Variants in TRIM68 observed in about 807,000 individuals in gnomAD.
TRIM68 encodes E3 ubiquitin-protein ligase TRIM68.
In TRIM68, 36 loss-of-function variants were observed where a neutral mutation model predicts 41.9. That is an observed-to-expected ratio of 0.86 (90% CI 0.66 to 1.14). TRIM68 has a LOEUF of 1.14. TRIM68 is among the 50% of genes most tolerant of loss of function. TRIM68 has a pLI of 0.00. For missense variants in TRIM68, 632 were observed against 605.1 expected (o/e 1.04, Z -0.47); for synonymous variants, 225 against 224.6 (o/e 1.00, Z -0.02).
At chr11:4,604,474 A>C (rs1199934356) in intron 2 of TRIM68, among the ~76,000 whole-genome samples, 1 of 152,236 alleles carries the variant, frequency 6.6e-6, no homozygotes, top group Non-Finnish European at 1.5e-5. Flanking sequence ...AAGTGCAAGA[A>C]GACTTGAGTC....
Position 4,600,381 on chromosome 11 carries a change from G to C in TRIM68, c.1353C>G (p.Arg451=), listed in dbSNP as rs144009048. 6.2e-7 allele frequency: 1 copy of C among 1,614,126 alleles called. No individual in the cohort carries two copies. The highest frequency in any genetic ancestry group is 1.7e-5 in the Admixed American group (1 of 60,018). ...DCGSHIFTFP[R]YPFPGRLLPY... is the part of the protein sequence containing the mutation. ...GCAGGAGGCGCCCAGGGAAGGGATA[G>C]CGGGGGAAAGTGAAGATGTGGGAGC... is the stretch of plus-strand genomic sequence containing the variant. Residue 451 remains arginine (R), a synonymous_variant, in exon 7 of 7, where the codon CGC becomes CGG. Transcript: ENST00000300747.
Position 4,606,281 on chromosome 11 carries a change from G to A in TRIM68, c.-57-720C>T, listed in dbSNP as rs201947582. On this transcript the variant is annotated intron_variant, in intron 1 of 6. Transcript: ENST00000300747. ...ATTTGATGATCATCACACCCATATT[G>A]ATGAAATCACTACACCAGCAAGAAA... Among the ~76,000 whole-genome samples, 434 of 152,336 alleles carry A rather than the reference G, an allele frequency of 2.8e-3. 1 individual carries two copies. Among genetic ancestry groups the A allele is most frequent in the Admixed American group, 7.8e-3 (119 of 15,304 alleles).
chr11:4,602,112 C>T (rs746261813), intron 4 of TRIM68, 40 bp downstream of exon 4: 5 of 1,613,256 alleles, frequency 3.1e-6, no homozygotes, highest in Non-Finnish European at 3.4e-6. Flanking sequence ...AGTCTATCTT[C>T]AGCTGTCACT....
chr11:4,606,771 T>TTA (rs766909121), intron 1 of TRIM68, among the ~76,000 whole-genome samples: 8 of 152,234 alleles, frequency 5.3e-5, no homozygotes, highest in Non-Finnish European at 1.0e-4. Flanking sequence ...TTGGGCAAAT[T>TTA]TCTTAACCTC....
intron 2 of TRIM68, 94 bp downstream of exon 2, chr11:4,604,983 GCT>G: frequency 7.4e-7 from 1 of 1,358,954 alleles, no homozygotes; most frequent in South Asian, 1.4e-5. Context: ...AAAGGAGTTA[GCT>G]CTCAGTCTGT....
At position 4,600,643 on chromosome 11, in the gene TRIM68, A is replaced by G; in HGVS notation, c.1091T>C (p.Val364Ala). Residue 364 changes from valine (V) to alanine (A), a missense_variant, in exon 7 of 7, where the codon GTG (valine) becomes GCG (alanine). Transcript: ENST00000300747. ...CAGGCCCCACTCAGACCTGTCTCCCACCTCCACCTCCCAGTAGTGCCGGCC... is the reference window on the plus strand; with the variant it reads ...CAGGCCCCACTCAGACCTGTCTCCCGCCTCCACCTCCCAGTAGTGCCGGCC... ...SSGRHYWEVE[V>A]GDRSEWGLGV... is the part of the protein sequence containing the mutation. 6.2e-7 allele frequency: 1 copy of G among 1,613,744 alleles called. No individual in the cohort carries two copies. The highest frequency in any genetic ancestry group is 8.5e-7 in the Non-Finnish European group (1 of 1,179,966).
At position 4,600,375 on chromosome 11, in the gene TRIM68, G is replaced by A; in HGVS notation, c.1359C>T (p.Pro453=). ...GSHIFTFPRY[P]FPGRLLPYFS... ...AATAGGGCAGGAGGCGCCCAGGGAAGGGATAGCGGGGGAAAGTGAAGATGT... is the reference window on the plus strand; with the variant it reads ...AATAGGGCAGGAGGCGCCCAGGGAAAGGATAGCGGGGGAAAGTGAAGATGT... Residue 453 remains proline (P), a synonymous_variant, in exon 7 of 7, where the codon CCC becomes CCT. Transcript: ENST00000300747. 1.9e-6 allele frequency: 3 copies of A among 1,614,090 alleles called. No individual in the cohort carries two copies. Among genetic ancestry groups the A allele is most frequent in the Non-Finnish European group, 2.5e-6 (3 of 1,180,004 alleles).
intron 4 of TRIM68, 197 bp from the exon 5 acceptor site, chr11:4,601,883 C>T (rs929984557): frequency 4.4e-5 from 34 of 778,248 alleles, no homozygotes; most frequent in Non-Finnish European, 6.0e-5. Context: ...CAATTTCAGG[C>T]TCCATCTCAA....
chr11:4,604,234 T>TA (rs1170179403), intron 2 of TRIM68, among the ~76,000 whole-genome samples: 1 of 152,262 alleles, frequency 6.6e-6, no homozygotes, highest in Non-Finnish European at 1.5e-5. Context: ...GGATTTGTCT[T>TA]ACACTCTCAC....
Position 4,600,707 on chromosome 11 carries a change from G to A in TRIM68, c.1027C>T (p.Arg343Cys), listed in dbSNP as rs199878371. The A allele has an allele frequency of 9.3e-6, 15 of 1,613,972 alleles. No individual in the cohort carries two copies. Among genetic ancestry groups the A allele is most frequent in the South Asian group, 4.4e-5 (4 of 91,080 alleles). ...KLPDNPERFY[R>C]YNIVLGSQCI... is the part of the protein sequence containing the mutation. ...TGGCTTCCCAGGACGATATTATAGC[G>A]GTAAAATCTCTCAGGATTGTCTGGC... The change falls in exon 7 of 7, where the codon CGC (arginine) becomes TGC (cysteine). Residue 343 changes from arginine to cysteine, a missense_variant. Coordinates refer to ENST00000300747, the MANE Select transcript of TRIM68 (RefSeq NM_018073.8).
chr11:4,601,845 G>C, intron 4 of TRIM68, 159 bp from the exon 5 acceptor site: 1 of 906,228 alleles, frequency 1.1e-6, no homozygotes, highest in African/African-American at 1.6e-5. Flanking sequence ...AAGGATGGAA[G>C]AGCAGGCTGA....
At chr11:4,602,027 A>AC in intron 4 of TRIM68, 125 bp downstream of exon 4, 1 of 1,403,796 alleles carries the variant, frequency 7.1e-7, no homozygotes, top group Admixed American at 1.8e-5. Flanking sequence ...CTGGGGAAAC[A>AC]CAGGATCCAT....
intron 5 of TRIM68, 189 bp downstream of exon 5, chr11:4,601,475 A>C: frequency 3.2e-6 from 2 of 624,522 alleles, no homozygotes; most frequent in Admixed American, 2.9e-5. Flanking sequence ...CATTTGATCA[A>C]GTACAAAGAA....
At position 4,600,370 on chromosome 11, in the gene TRIM68, G is replaced by A. The variant is rs139088568; in HGVS notation, c.1364C>T (p.Pro455Leu). 3 of 1,614,080 alleles carry A rather than the reference G, an allele frequency of 1.9e-6. No individual in the cohort carries two copies. The highest frequency in any genetic ancestry group is 2.5e-6 in the Non-Finnish European group (3 of 1,180,002). The change falls in exon 7 of 7, where the codon CCT (proline) becomes CTT (leucine). Residue 455 changes from proline to leucine, a missense_variant. Pro to Leu is a moderately conservative substitution (Grantham distance 98). Transcript: ENST00000300747. ...ACTAAAATAGGGCAGGAGGCGCCCAGGGAAGGGATAGCGGGGGAAAGTGAA... is the reference window on the plus strand; with the variant it reads ...ACTAAAATAGGGCAGGAGGCGCCCAAGGAAGGGATAGCGGGGGAAAGTGAA... Reference protein sequence around the residue: ...HIFTFPRYPFPGRLLPYFSPC... With the variant: ...HIFTFPRYPFLGRLLPYFSPC...
In TRIM68 at chr11:4,605,075, T is replaced by C; in HGVS notation, c.426+4A>G. The C allele has an allele frequency of 6.2e-7, 1 of 1,612,566 alleles. No individual in the cohort carries two copies. ...GACTGGAGTGGCCAGCTTCCATCTC[T>C]CACCTTGTACTCCCAGGCAACATCC... is the stretch of plus-strand genomic sequence containing the variant. On this transcript the variant is annotated splice_donor_region_variant and intron_variant, in intron 2 of 6. Coordinates refer to ENST00000300747, the MANE Select transcript of TRIM68 (RefSeq NM_018073.8).
At position 4,600,564 on chromosome 11, in the gene TRIM68, GT is replaced by G; in HGVS notation, c.1169del (p.His390ProfsTer6). 1 of 1,614,116 alleles carries G rather than the reference GT, an allele frequency of 6.2e-7. No individual in the cohort carries two copies. Among genetic ancestry groups the G allele is most frequent in the Non-Finnish European group, 8.5e-7 (1 of 1,180,024 alleles). On this transcript the variant is annotated frameshift_variant, in exon 7 of 7. Coordinates refer to ENST00000300747, the MANE Select transcript of TRIM68 (RefSeq NM_018073.8). LOFTEE classifies it high-confidence loss of function. ...DRKEVVYLSP[H>X]YGFWVIRLRK... is the part of the protein sequence containing the mutation. The stretch of plus-strand genomic sequence containing the variant: ...TCAGCCTTATCACCCAGAATCCATA[GT>G]GGGGGGATAAGTAGACCACCTCCTT...
chr11:4,607,400 A>G (rs1487292850), intron 1 of TRIM68, among the ~76,000 whole-genome samples: 2 of 152,238 alleles, frequency 1.3e-5, no homozygotes, highest in African/African-American at 4.8e-5. Context: ...ATGTGTTAAT[A>G]TCCTTAGCTA....
intron 1 of TRIM68, among the ~76,000 whole-genome samples, chr11:4,607,429 G>C (rs1287999047): frequency 6.6e-6 from 1 of 152,186 alleles, no homozygotes. Context: ...GAGACATTAA[G>C]AGACACCATC....
chr11:4,605,354 G>T lies in TRIM68; in HGVS notation c.151C>A (p.Gln51Lys), dbSNP rs1200009305. The T allele has an allele frequency of 4.3e-6, 7 of 1,614,102 alleles. No individual in the cohort carries two copies. In the Admixed American group the frequency reaches 6.7e-5, roughly 15 times the overall value. Residue 51 changes from glutamine to lysine, a missense_variant, in exon 2 of 7, where the codon CAG (glutamine) becomes AAG (lysine). Physicochemically the swap from Gln to Lys is moderately conservative, Grantham distance 53. Coordinates refer to ENST00000300747, the MANE Select transcript of TRIM68 (RefSeq NM_018073.8). ...SGLWEIPGES[Q>K]NWGYTCPLCR... ...AGGGGACAGGTGTAACCCCAGTTCTGGGATTCTCCTGGGATCTCCCAGAGT... is the reference window on the plus strand; with the variant it reads ...AGGGGACAGGTGTAACCCCAGTTCTTGGATTCTCCTGGGATCTCCCAGAGT...
Sources: gnomAD v4.1 joint callset for allele counts (sites outside exome capture counted in the v4.1 genomes callset) on GRCh38, gnomAD v4.1.1 for gene constraint, MANE v1.5 for transcripts, NCBI Gene and HGNC (gene_info 2026-07-23, HGNC 2026-07-21) for gene names.